LPP: variants seen among roughly 807,000 people sequenced by gnomAD.
LPP encodes LIM domain containing preferred translocation partner in lipoma, also known as lipoma-preferred partner.
Under a neutral mutation model 60.4 loss-of-function variants are expected in LPP, and 38 were observed. That is an observed-to-expected ratio of 0.63 (90% confidence interval 0.49 to 0.83). LPP has a LOEUF of 0.83. LPP is among the 40% of genes least tolerant of loss of function. The pLI is 0.00. For missense variants in LPP, 902 were observed against 783.6 expected, an observed-to-expected ratio of 1.15 and a Z score of -1.80; for synonymous variants, 328 against 290.8, an observed-to-expected ratio of 1.13 and a Z score of -1.30.
intron 4 of LPP, among the ~76,000 whole-genome samples, chr3:188,435,860 G>A (rs1792165391): frequency 6.6e-6 from 1 of 152,128 alleles, no homozygotes; most frequent in African/African-American, 2.4e-5. Context: ...ATCTCACTCA[G>A]TCTTCCTTTT....
chr3:188,328,920 G>C (rs1210683099), intron 2 of LPP, among the ~76,000 whole-genome samples: 1 of 152,198 alleles, frequency 6.6e-6, no homozygotes, highest in Non-Finnish European at 1.5e-5. Flanking sequence ...ATTAAAGAGA[G>C]TCTTAAGTGA....
intron 8 of LPP, among the ~76,000 whole-genome samples, chr3:188,726,153 G>C (rs1011713240): frequency 6.6e-6 from 1 of 152,144 alleles, no homozygotes; most frequent in Non-Finnish European, 1.5e-5. Flanking sequence ...ATTGTGGGGA[G>C]AGGTGTTCAA....
chr3:188,766,586 G>A (rs1734235440), intron 9 of LPP, among the ~76,000 whole-genome samples: 2 of 152,150 alleles, frequency 1.3e-5, no homozygotes, highest in Non-Finnish European at 2.9e-5. Flanking sequence ...CATAGAGTAT[G>A]AGTGTCAGAG....
At chr3:188,665,824 C>T (rs1374923628) in intron 7 of LPP, among the ~76,000 whole-genome samples, 1 of 152,132 alleles carries the variant, frequency 6.6e-6, no homozygotes, top group East Asian at 1.9e-4. Context: ...ACTAACTTGT[C>T]CTTTCCTTTG....
chr3:188,159,832 CT>C (rs1717654369), intron 1 of LPP, among the ~76,000 whole-genome samples: 1 of 152,196 alleles, frequency 6.6e-6, no homozygotes, highest in African/African-American at 2.4e-5. Context: ...TGCTCTTTCA[CT>C]TTTCCCTCAC....
intron 7 of LPP, among the ~76,000 whole-genome samples, chr3:188,661,573 A>C (rs745409333): frequency 1.3e-5 from 2 of 152,152 alleles, no homozygotes; most frequent in African/African-American, 4.8e-5. Flanking sequence ...CTTATTTGCC[A>C]TCTGTATATC....
At chr3:188,493,540 T>C (rs1269575856) in intron 5 of LPP, among the ~76,000 whole-genome samples, 3 of 152,122 alleles carry the variant, frequency 2.0e-5, no homozygotes, top group Non-Finnish European at 4.4e-5. Flanking sequence ...GTGATCCTCC[T>C]GCCTCAACCT....
chr3:188,366,525 C>CT (rs750356134), intron 3 of LPP, among the ~76,000 whole-genome samples: 36 of 152,142 alleles, frequency 2.4e-4, no homozygotes, highest in Non-Finnish European at 4.6e-4. Context: ...TTTCTTATTT[C>CT]TATGTTCCAC....
intron 7 of LPP, among the ~76,000 whole-genome samples, chr3:188,692,263 A>G (rs1862294333): frequency 6.6e-6 from 1 of 152,250 alleles, no homozygotes; most frequent in Admixed American, 6.5e-5. Context: ...TGACTTTACC[A>G]GCAAAGAATT....
At chr3:188,578,817 A>T (rs1835382410) in intron 6 of LPP, among the ~76,000 whole-genome samples, 1 of 152,136 alleles carries the variant, frequency 6.6e-6, no homozygotes, top group Non-Finnish European at 1.5e-5. Context: ...TGGCTAGCAG[A>T]GGAGCCAGGA....
intron 7 of LPP, among the ~76,000 whole-genome samples, chr3:188,622,474 T>C (rs1027470205): frequency 1.1e-4 from 16 of 152,172 alleles, no homozygotes; most frequent in African/African-American, 3.6e-4. Flanking sequence ...CAGCCAAGCA[T>C]ATATTAGTTT....
chr3:188,558,802 T>G (rs1313703843), intron 6 of LPP, among the ~76,000 whole-genome samples: 1 of 152,102 alleles, frequency 6.6e-6, no homozygotes, highest in Non-Finnish European at 1.5e-5. Context: ...GGTCAAAAGA[T>G]GAATCTAAAG....
intron 9 of LPP, among the ~76,000 whole-genome samples, chr3:188,817,095 T>G (rs1053315017): frequency 4.6e-5 from 7 of 152,352 alleles, no homozygotes; most frequent in African/African-American, 1.7e-4. Flanking sequence ...CAGGACTGCT[T>G]TCAGATATAT....
chr3:188,296,235 G>A (rs1344875011), intron 2 of LPP, among the ~76,000 whole-genome samples: 1 of 152,204 alleles, frequency 6.6e-6, no homozygotes, highest in African/African-American at 2.4e-5. Flanking sequence ...CAATTCAGGA[G>A]CTTGGAGTCT....
At chr3:188,527,281 C>T (rs1430587497) in intron 6 of LPP, among the ~76,000 whole-genome samples, 3 of 132,210 alleles carry the variant, frequency 2.3e-5, no homozygotes, top group South Asian at 2.7e-4. Context: ...ACCCGGGAGG[C>T]GGAGGTTTCA....
chr3:188,606,774 T>C (rs1419416836), intron 6 of LPP, among the ~76,000 whole-genome samples: 4 of 152,114 alleles, frequency 2.6e-5, no homozygotes, highest in Non-Finnish European at 4.4e-5. Flanking sequence ...TTCTCGTCAA[T>C]AATGCCAGTC....
chr3:188,395,172 T>A (rs1297808120), intron 3 of LPP, among the ~76,000 whole-genome samples: 2 of 152,192 alleles, frequency 1.3e-5, no homozygotes, highest in Non-Finnish European at 2.9e-5. Context: ...GGATTAAAAA[T>A]TTTAAATTTA....
At chr3:188,279,954 T>C (rs1004214695) in intron 2 of LPP, among the ~76,000 whole-genome samples, 2 of 152,228 alleles carry the variant, frequency 1.3e-5, no homozygotes, top group African/African-American at 2.4e-5. Context: ...CTTTCCTACC[T>C]GAGCCAGAAG....
At chr3:188,301,081 C>T (rs1263138227) in intron 2 of LPP, among the ~76,000 whole-genome samples, 1 of 152,186 alleles carries the variant, frequency 6.6e-6, no homozygotes. Flanking sequence ...TTTTTCCATA[C>T]ACCTGCCCAT....
Sources: gnomAD v4.1 joint callset for allele counts (sites outside exome capture counted in the v4.1 genomes callset) on GRCh38, gnomAD v4.1.1 for gene constraint, MANE v1.5 for transcripts, NCBI Gene and HGNC (gene_info 2026-07-23, HGNC 2026-07-21) for gene names.